The following DAAM1 variants were observed in gnomAD, a reference collection of about 807,000 sequenced individuals.
The protein encoded by DAAM1 is dishevelled associated activator of morphogenesis 1, also known as disheveled-associated activator of morphogenesis 1.
Under a neutral mutation model 130.0 loss-of-function variants are expected in DAAM1, and 52 were observed. The observed-to-expected ratio is 0.40, with a 90% confidence interval of 0.32 to 0.50. The LOEUF (loss-of-function observed/expected upper bound fraction) is 0.50, where lower values mean the gene tolerates loss of function less well. DAAM1 is among the 20% of genes least tolerant of loss of function. The pLI, the probability that DAAM1 is intolerant of heterozygous loss-of-function variation, is 0.61. For missense variants in DAAM1, 1,134 were observed against 1,303.8 expected (o/e 0.87, Z 2.01); for synonymous variants, 452 against 444.5 (o/e 1.02, Z -0.21).
intron 15 of DAAM1, chr14:59,338,369 T>G: frequency 6.2e-7 from 1 of 1,613,610 alleles, no homozygotes; most frequent in Non-Finnish European, 8.5e-7. Context: ...TTTCCATGCC[T>G]CTGCCATGGC....
chr14:59,327,398 G>GTTTTTTTTTTTTTTTTTTTTTTT (rs1338982717), intron 12 of DAAM1, among the ~76,000 whole-genome samples: 4 of 72,764 alleles, frequency 5.5e-5, no homozygotes, highest in African/African-American at 1.5e-4. Flanking sequence ...AGGTCACTTG[G>GTTTTTTTTTTTTTTTTTTTTTTT]TTTCTTTTTT....
At chr14:59,335,788 G>C (rs1885604348) in intron 15 of DAAM1, among the ~76,000 whole-genome samples, 1 of 152,006 alleles carries the variant, frequency 6.6e-6, no homozygotes, top group Non-Finnish European at 1.5e-5. Context: ...AACCTCTCCT[G>C]CTTATATGTA....
chr14:59,338,399 C>T, intron 15 of DAAM1: 2 of 1,613,724 alleles, frequency 1.2e-6, no homozygotes, highest in Non-Finnish European at 1.7e-6. Flanking sequence ...TCTTTGTGAA[C>T]AGTAACTCCA....
chr14:59,326,771 G>C, intron 11 of DAAM1, 123 bp downstream of exon 11: 1 of 1,512,548 alleles, frequency 6.6e-7, no homozygotes, highest in Non-Finnish European at 9.0e-7. Flanking sequence ...ATGAGTTACT[G>C]TACACATGCA....
chr14:59,226,645 A>G (rs1182254068), intron 1 of DAAM1, among the ~76,000 whole-genome samples: 2 of 152,216 alleles, frequency 1.3e-5, no homozygotes, highest in African/African-American at 4.8e-5. Context: ...AACAGATTTC[A>G]GTAGGATTCT....
intron 22 of DAAM1, among the ~76,000 whole-genome samples, chr14:59,361,952 A>G (rs1886717389): frequency 6.6e-6 from 1 of 150,412 alleles, no homozygotes; most frequent in African/African-American, 2.4e-5. Context: ...CATACCTCTA[A>G]TAAAAATTAA....
At chr14:59,194,724 CT>C (rs544588410) in intron 1 of DAAM1, among the ~76,000 whole-genome samples, 7 of 152,318 alleles carry the variant, frequency 4.6e-5, no homozygotes, top group Admixed American at 2.6e-4. Context: ...TTAAAATAAA[CT>C]TTTTCCCCCC....
intron 1 of DAAM1, among the ~76,000 whole-genome samples, chr14:59,202,294 G>A (rs1888128819): frequency 1.3e-5 from 2 of 152,172 alleles, no homozygotes; most frequent in African/African-American, 4.8e-5. Flanking sequence ...ATCTCATGGA[G>A]GACCTTGTCT....
intron 1 of DAAM1, among the ~76,000 whole-genome samples, chr14:59,251,659 AC>A (rs1881648625): frequency 6.6e-6 from 1 of 152,118 alleles, no homozygotes; most frequent in Admixed American, 6.6e-5. Flanking sequence ...CTAGAGCCAC[AC>A]AGCACCTGAA....
intron 1 of DAAM1, among the ~76,000 whole-genome samples, chr14:59,241,718 A>T (rs1027862806): frequency 6.6e-6 from 1 of 152,180 alleles, no homozygotes; most frequent in African/African-American, 2.4e-5. Context: ...TCAAAGATCA[A>T]ATTGGTTTAC....
chr14:59,354,734 T>C (rs1403189154), intron 19 of DAAM1, among the ~76,000 whole-genome samples: 1 of 152,246 alleles, frequency 6.6e-6, no homozygotes, highest in East Asian at 1.9e-4. Flanking sequence ...TGATCCCTGT[T>C]ATGACACCTG....
intron 16 of DAAM1, among the ~76,000 whole-genome samples, chr14:59,343,803 A>G (rs1389820670): frequency 3.3e-5 from 5 of 152,156 alleles, no homozygotes; most frequent in African/African-American, 1.2e-4. Flanking sequence ...TTGCAGCATG[A>G]GTGACCAAAT....
chr14:59,355,809 A>G (rs1455721978), intron 20 of DAAM1, among the ~76,000 whole-genome samples: 1 of 152,226 alleles, frequency 6.6e-6, no homozygotes, highest in East Asian at 1.9e-4. Context: ...TGTGTTCCAC[A>G]GAAAAGAAAA....
chr14:59,225,330 A>G (rs572380409), intron 1 of DAAM1, among the ~76,000 whole-genome samples: 1 of 152,206 alleles, frequency 6.6e-6, no homozygotes, highest in African/African-American at 2.4e-5. Context: ...CCAACCATAA[A>G]TTTGTGTTTT....
chr14:59,359,405 C>A lies in DAAM1; in HGVS notation c.2534C>A (p.Thr845Asn). 6.2e-7 allele frequency: 1 copy of A among 1,609,992 alleles called. No individual in the cohort carries two copies. Among genetic ancestry groups the A allele is most frequent in the Non-Finnish European group, 8.5e-7 (1 of 1,176,826 alleles). The part of the protein sequence containing the change: ...DTKSSIDKNI[T>N]LLHYLITIVE... ...CCCTTCTTCAATTGTAGAAACATTA[C>A]CCTTTTGCACTATCTCATCACTATT... Residue 845 changes from threonine to asparagine, a missense_variant, in exon 21 of 25, where the codon ACC (threonine) becomes AAC (asparagine). By Grantham distance (65) the Thr-to-Asn change is moderately conservative. Transcript: ENST00000360909.
chr14:59,342,716 A>G (rs935805172), intron 16 of DAAM1, among the ~76,000 whole-genome samples: 2 of 152,118 alleles, frequency 1.3e-5, no homozygotes, highest in African/African-American at 4.8e-5. Flanking sequence ...CTGTGAGAAG[A>G]TTTGTGCGCA....
In DAAM1 at chr14:59,326,536, T is replaced by C; in HGVS notation, c.1201T>C (p.Tyr401His). The C allele has an allele frequency of 1.2e-6, 2 of 1,613,352 alleles. No homozygotes were observed. The highest frequency in any genetic ancestry group is 1.7e-6 in the Non-Finnish European group (2 of 1,179,690). ...CAAGAGGAGTGGCAACACTGTTCAG[T>C]ACTGGCTACTACTAGATAGAATTAT... is the stretch of plus-strand genomic sequence containing the variant. ...PYKRSGNTVQ[Y>H]WLLLDRIIQQ... Residue 401 changes from tyrosine to histidine, a missense_variant, in exon 11 of 25, where the codon TAC becomes CAC. Physicochemically the swap from Tyr to His is moderately conservative, Grantham distance 83. This residue lies in a region of DAAM1 where 391 missense variants were observed against 521.6 expected (regional missense o/e 0.75). Coordinates refer to ENST00000360909, the MANE Select transcript of DAAM1 (RefSeq NM_001270520.2).
intron 1 of DAAM1, among the ~76,000 whole-genome samples, chr14:59,236,221 G>T (rs929709335): frequency 2.0e-5 from 3 of 151,874 alleles, no homozygotes; most frequent in Non-Finnish European, 4.4e-5. Flanking sequence ...GCAGATCAAA[G>T]GGAAGAAGTT....
intron 2 of DAAM1, among the ~76,000 whole-genome samples, chr14:59,283,229 A>G (rs1402196796): frequency 1.3e-5 from 2 of 152,202 alleles, no homozygotes; most frequent in Non-Finnish European, 2.9e-5. Flanking sequence ...GCAAGTTACT[A>G]TTGAACTGTT....
Sources: gnomAD v4.1 joint callset for allele counts (sites outside exome capture counted in the v4.1 genomes callset) on GRCh38, gnomAD v4.1.1 for gene constraint, gnomAD v4.1.1 regional missense constraint, MANE v1.5 for transcripts, NCBI Gene and HGNC (gene_info 2026-07-23, HGNC 2026-07-21) for gene names.